CSMD1: variants seen among roughly 807,000 people sequenced by gnomAD.
CSMD1 encodes CUB and Sushi multiple domains 1.
Under a neutral mutation model 417.5 loss-of-function variants are expected in CSMD1, and 213 were observed. The ratio of observed to expected loss-of-function variants is 0.51; its 90% CI spans 0.46 to 0.57. The LOEUF (loss-of-function observed/expected upper bound fraction) is 0.57. Ranked by LOEUF, CSMD1 falls within the 20% of genes least tolerant of loss-of-function variation. The pLI, the probability that CSMD1 is intolerant of heterozygous loss-of-function variation, is 0.00. For missense variants in CSMD1, 6,923 were observed against 4,529.7 expected, an observed-to-expected ratio of 1.53 and a Z score of -15.17; for synonymous variants, 2,862 against 1,736.8, an observed-to-expected ratio of 1.65 and a Z score of -16.11.
chr8:4,173,552 A>T (rs1797879645), intron 3 of CSMD1, among the ~76,000 whole-genome samples: 1 of 152,148 alleles, frequency 6.6e-6, no homozygotes, highest in Non-Finnish European at 1.5e-5. Flanking sequence ...GAAAGGAGAA[A>T]GATAAAATTA....
rs1040160696 is a variant in CSMD1 at position 4,596,379 on chromosome 8, T to C, written c.302+40963A>G. On this transcript the variant is annotated intron_variant, in intron 2 of 69. Transcript: ENST00000635120. Reference sequence around the variant, plus strand: ...GTCTCAGGGAGACTTTCTGGAAAAATGATTTCTAGACTGAATCGTCAAAGA... The same window carrying C: ...GTCTCAGGGAGACTTTCTGGAAAAACGATTTCTAGACTGAATCGTCAAAGA... Among the ~76,000 whole-genome samples, 8 of 152,280 alleles carry C rather than the reference T, an allele frequency of 5.3e-5. No homozygotes were observed. In the South Asian group the frequency reaches 1.7e-3, roughly 32 times the overall value.
chr8:3,346,780 T>A (rs1455479789), intron 22 of CSMD1, among the ~76,000 whole-genome samples: 1 of 152,242 alleles, frequency 6.6e-6, no homozygotes, highest in Non-Finnish European at 1.5e-5. Context: ...AGTCTCATAG[T>A]TCAAAGTGAG....
At chr8:4,120,289 T>C (rs1802408515) in intron 3 of CSMD1, among the ~76,000 whole-genome samples, 2 of 149,842 alleles carry the variant, frequency 1.3e-5, no homozygotes, top group Admixed American at 1.3e-4. Context: ...TCACCTTTTA[T>C]TATATATACT....
chr8:4,391,501 G>GACC (rs1401558622), intron 3 of CSMD1, among the ~76,000 whole-genome samples: 2 of 152,060 alleles, frequency 1.3e-5, no homozygotes, highest in Non-Finnish European at 2.9e-5. Context: ...CCTCTGCTGT[G>GACC]ACCAGTGCAG....
intron 3 of CSMD1, among the ~76,000 whole-genome samples, chr8:4,315,907 G>C (rs903870668): frequency 1.3e-5 from 2 of 152,048 alleles, no homozygotes; most frequent in Non-Finnish European, 2.9e-5. Flanking sequence ...AGCTAAAGAT[G>C]CACTCAAATG....
At chr8:4,651,694 A>G (rs1803906402) in intron 1 of CSMD1, among the ~76,000 whole-genome samples, 1 of 152,176 alleles carries the variant, frequency 6.6e-6, no homozygotes, top group Non-Finnish European at 1.5e-5. Context: ...ATATTCTGTC[A>G]TTATTATTTC....
intron 5 of CSMD1, among the ~76,000 whole-genome samples, chr8:3,871,937 A>G (rs893790219): frequency 6.6e-6 from 1 of 152,176 alleles, no homozygotes; most frequent in Non-Finnish European, 1.5e-5. Context: ...CTTCTGAAAA[A>G]CACAGCCTAA....
chr8:3,986,673 G>A (rs570541054), intron 5 of CSMD1, among the ~76,000 whole-genome samples: 12 of 152,084 alleles, frequency 7.9e-5, no homozygotes, highest in Non-Finnish European at 1.6e-4. Flanking sequence ...ATGAGGGACA[G>A]AGTGAACATT....
intron 3 of CSMD1, 114 bp from the exon 4 acceptor site, chr8:4,032,213 A>G (rs1797385471): frequency 1.5e-6 from 1 of 689,624 alleles, no homozygotes; most frequent in Non-Finnish European, 2.3e-6. Context: ...AACCTCTAGC[A>G]TCAGAAAAAT....
At chr8:4,484,085 G>T (rs1490253175) in intron 2 of CSMD1, among the ~76,000 whole-genome samples, 2 of 151,964 alleles carry the variant, frequency 1.3e-5, no homozygotes, top group African/African-American at 4.8e-5. Flanking sequence ...AAAATGAAAG[G>T]GTGTCTGTTA....
chr8:3,213,767 ATGTG>A (rs373043547), intron 30 of CSMD1, among the ~76,000 whole-genome samples: 13 of 150,772 alleles, frequency 8.6e-5, no homozygotes, highest in Admixed American at 4.0e-4. Flanking sequence ...ATGTATATAT[ATGTG>A]TGTGTGTATG....
intron 5 of CSMD1, among the ~76,000 whole-genome samples, chr8:3,801,860 G>A (rs976709328): frequency 6.6e-6 from 1 of 152,024 alleles, no homozygotes; most frequent in Non-Finnish European, 1.5e-5. Flanking sequence ...GTAAGTCAAT[G>A]AAAAATCACA....
At chr8:3,441,319 G>A (rs1585169665) in intron 12 of CSMD1, among the ~76,000 whole-genome samples, 1 of 151,966 alleles carries the variant, frequency 6.6e-6, no homozygotes, top group East Asian at 1.9e-4. Context: ...AGTTTCCTTA[G>A]GAAACTAATA....
chr8:3,878,118 C>T (rs1169253535), intron 5 of CSMD1, among the ~76,000 whole-genome samples: 1 of 152,098 alleles, frequency 6.6e-6, no homozygotes, highest in Admixed American at 6.6e-5. Flanking sequence ...TTCCTCCTTC[C>T]CTGCCCACAT....
At chr8:3,395,326 G>A (rs1457014012) in intron 17 of CSMD1, among the ~76,000 whole-genome samples, 2 of 152,132 alleles carry the variant, frequency 1.3e-5, no homozygotes, top group East Asian at 3.9e-4. Context: ...CTTTTTCCGT[G>A]CTACTCTTTG....
At chr8:4,176,960 G>C (rs1378731032) in intron 3 of CSMD1, among the ~76,000 whole-genome samples, 7 of 151,580 alleles carry the variant, frequency 4.6e-5, no homozygotes, top group African/African-American at 9.7e-5. Flanking sequence ...AAGAGACTTA[G>C]ACTCCCACAC....
chr8:4,240,417 C>A (rs1466877404), intron 3 of CSMD1, among the ~76,000 whole-genome samples: 2 of 152,218 alleles, frequency 1.3e-5, no homozygotes, highest in African/African-American at 4.8e-5. Context: ...CTGCTCTGAT[C>A]CCTGTAGACT....
chr8:3,536,516 C>G (rs139335381), intron 10 of CSMD1, among the ~76,000 whole-genome samples: 62 of 152,298 alleles, frequency 4.1e-4, no homozygotes, highest in African/African-American at 1.4e-3. Flanking sequence ...TCCAGGGTAT[C>G]TTCGAGGATT....
chr8:4,188,662 A>G (rs1005207946), intron 3 of CSMD1, among the ~76,000 whole-genome samples: 2 of 152,166 alleles, frequency 1.3e-5, no homozygotes, highest in Non-Finnish European at 2.9e-5. Context: ...AAACTCTCAT[A>G]AAACAGTCTA....
Sources: gnomAD v4.1 joint callset for allele counts (sites outside exome capture counted in the v4.1 genomes callset) on GRCh38, gnomAD v4.1.1 for gene constraint, MANE v1.5 for transcripts, NCBI Gene and HGNC (gene_info 2026-07-23, HGNC 2026-07-21) for gene names.